The following NEMP2 variants were observed in gnomAD, a reference collection of about 807,000 sequenced individuals.
The protein encoded by NEMP2 is nuclear envelope integral membrane protein 2, also known as UPF0571 transmembrane protein.
Under a neutral mutation model 54.2 loss-of-function variants are expected in NEMP2, and 53 were observed. That is an observed-to-expected ratio of 0.98 (90% CI 0.78 to 1.23). The LOEUF is 1.23. Ranked by LOEUF, NEMP2 falls within the 50% of genes most tolerant of loss-of-function variation. The probability of loss-of-function intolerance (pLI) is 0.00; values close to 1 mark genes in which losing one functional copy is unlikely to be tolerated. For missense variants in NEMP2, 455 were observed against 511.3 expected (o/e 0.89, Z 1.06); for synonymous variants, 197 against 190.3 (o/e 1.04, Z -0.29).
chr2:190,462,079 G>A, the NEMP2 span, among the ~76,000 whole-genome samples: 2 of 152,038 alleles, frequency 1.3e-5, no homozygotes, highest in East Asian at 3.9e-4. The surrounding 1 kb of genome is among the most constrained non-coding windows in gnomAD (Gnocchi z 5.7). Context: ...CCCTATCATC[G>A]CAGATTTCCA....
At chr2:190,491,319 T>A in the NEMP2 span, among the ~76,000 whole-genome samples, 8 of 152,172 alleles carry the variant, frequency 5.3e-5, no homozygotes, top group African/African-American at 9.7e-5. The surrounding 1 kb of genome is among the most constrained non-coding windows in gnomAD (Gnocchi z 4.2). Flanking sequence ...TGTGGAGACT[T>A]GCATCATGCT....
the NEMP2 span, among the ~76,000 whole-genome samples, chr2:190,542,952 T>C: frequency 6.6e-6 from 1 of 152,370 alleles, no homozygotes; most frequent in East Asian, 1.9e-4. The surrounding 1 kb of genome is among the most constrained non-coding windows in gnomAD (Gnocchi z 4.6). Context: ...TGTGAATCTA[T>C]ATCTATGTCT....
At position 190,517,601 on chromosome 2, in the gene NEMP2, G is replaced by C; in HGVS notation, c.531C>G (p.Phe177Leu). 1 of 1,548,620 alleles carries C rather than the reference G, an allele frequency of 6.5e-7. No individual in the cohort carries two copies. The highest frequency in any genetic ancestry group is 8.7e-7 in the Non-Finnish European group (1 of 1,145,714). ...YARTLSQSPT[F>L]YYSSGTVLGV... ...CTAGCACAGTTCCCGAGGAGTAATA[G>C]AAAGTAGGGCTTCTGTCAAGATAAG... Residue 177 changes from phenylalanine to leucine, a missense_variant, in exon 5 of 9, where the codon TTC becomes TTG. This residue lies in a region of NEMP2 where 294 missense variants were observed against 333.6 expected (regional missense o/e 0.88). Transcript: ENST00000409150.
rs999607977 is a variant in NEMP2, at chr2:190,519,983, T to G, written c.214-800A>C. 2.0e-5 allele frequency among the ~76,000 whole-genome samples: 3 copies of G among 152,016 alleles called. No individual in the cohort carries two copies. The highest frequency in any genetic ancestry group is 6.6e-5 in the Admixed American group (1 of 15,266). On this transcript the variant is annotated intron_variant, in intron 2 of 8. Coordinates refer to ENST00000409150, the MANE Select transcript of NEMP2 (RefSeq NM_001142645.2). This position sits in a 1 kb window ranked among gnomAD's most constrained non-coding sequence, Gnocchi z 5.4. ...ATTTCTTAAATTAAGGTATGTAGGGTTTTTTTAAAGATATAATTCTATTGC... is the reference window on the plus strand; with the variant it reads ...ATTTCTTAAATTAAGGTATGTAGGGGTTTTTTAAAGATATAATTCTATTGC...
the NEMP2 span, among the ~76,000 whole-genome samples, chr2:190,632,411 C>G: frequency 6.6e-6 from 1 of 152,280 alleles, no homozygotes; most frequent in Non-Finnish European, 1.5e-5. This position sits in a 1 kb window ranked among gnomAD's most constrained non-coding sequence, Gnocchi z 4.8. Flanking sequence ...CAAGAAGCTT[C>G]TAACTTAGCC....
downstream of NEMP2, chr2:190,500,206 G>C: frequency 6.2e-7 from 1 of 1,614,118 alleles, no homozygotes; most frequent in Non-Finnish European, 8.5e-7. The surrounding 1 kb of genome is among the most constrained non-coding windows in gnomAD (Gnocchi z 5.3). Context: ...AGCTGGCCGC[G>C]GGAGGACACT....
the NEMP2 span, among the ~76,000 whole-genome samples, chr2:190,460,714 G>T: frequency 6.6e-6 from 1 of 152,180 alleles, no homozygotes; most frequent in Non-Finnish European, 1.5e-5. Flanking sequence ...AATGGACCAG[G>T]CATGAGATGG....
chr2:190,430,572 C>T, the NEMP2 span, among the ~76,000 whole-genome samples: 2 of 152,050 alleles, frequency 1.3e-5, no homozygotes, highest in African/African-American at 4.8e-5. Flanking sequence ...TTTCTTAGTA[C>T]AGAACAAAAT....
the NEMP2 span, among the ~76,000 whole-genome samples, chr2:190,432,276 C>G: frequency 6.6e-6 from 1 of 152,220 alleles, no homozygotes; most frequent in Non-Finnish European, 1.5e-5. Flanking sequence ...CTCTGGGAAC[C>G]TCCTGAAGAA....
the NEMP2 span, among the ~76,000 whole-genome samples, chr2:190,585,445 G>T: frequency 6.6e-6 from 1 of 152,156 alleles, no homozygotes; most frequent in Non-Finnish European, 1.5e-5. This position sits in a 1 kb window ranked among gnomAD's most constrained non-coding sequence, Gnocchi z 5.3. Flanking sequence ...CCCACTCTGG[G>T]TGCTTAATTT....
chr2:190,630,719 T>A, the NEMP2 span, among the ~76,000 whole-genome samples: 1 of 152,218 alleles, frequency 6.6e-6, no homozygotes, highest in African/African-American at 2.4e-5. This position sits in a 1 kb window ranked among gnomAD's most constrained non-coding sequence, Gnocchi z 5.5. Flanking sequence ...CTTATAAAAA[T>A]GTCTTGAACC....
At chr2:190,565,444 G>A in the NEMP2 span, among the ~76,000 whole-genome samples, 2 of 152,186 alleles carry the variant, frequency 1.3e-5, no homozygotes, top group Admixed American at 6.5e-5. Flanking sequence ...ATTTTCTTGG[G>A]TTGGGTTCCT....
rs781035277 is a variant in NEMP2, at chr2:190,534,611, C to T, written c.45G>A (p.Pro15=). The T allele has an allele frequency of 3.2e-5, 45 of 1,387,154 alleles. No individual in the cohort carries two copies. The South Asian group carries it at 5.4e-4, about 17-fold the overall frequency. 85.9% of individuals were successfully genotyped at this position (1,387,154 alleles called of 1,614,324 possible). A position where few individuals can be genotyped will look rare whatever the true frequency, so the allele number is the denominator to read the frequency against. ...QGRWWLLLWL[P]PLATLPVRGE... ...CGCGCACGGGCAGTGTGGCCAGGGG[C>T]GGCAGCCAGAGCAGCAGCCACCACC... Residue 15 remains proline (P), a synonymous_variant, in exon 1 of 9, where the codon CCG becomes CCA. Transcript: ENST00000409150.
At chr2:190,609,424 G>C in the NEMP2 span, 1 of 152,234 alleles carries the variant, frequency 6.6e-6, no homozygotes, top group South Asian at 2.1e-4. The surrounding 1 kb of genome is among the most constrained non-coding windows in gnomAD (Gnocchi z 4.7). Context: ...AAACTTGTTT[G>C]TGGAGGCCCG....
At chr2:190,469,746 ATTT>A in the NEMP2 span, 4 of 1,364,862 alleles carry the variant, frequency 2.9e-6, no homozygotes, top group African/African-American at 6.0e-5. This position sits in a 1 kb window ranked among gnomAD's most constrained non-coding sequence, Gnocchi z 5.3. Context: ...TTTATTTTTT[ATTT>A]TTTTTTAGGG....
At chr2:190,592,247 G>A in the NEMP2 span, among the ~76,000 whole-genome samples, 1 of 152,242 alleles carries the variant, frequency 6.6e-6, no homozygotes, top group Admixed American at 6.5e-5. The surrounding 1 kb of genome is among the most constrained non-coding windows in gnomAD (Gnocchi z 4.4). Flanking sequence ...CAGTTTAACC[G>A]TTGAAATGGT....
the NEMP2 span, among the ~76,000 whole-genome samples, chr2:190,474,391 C>T: frequency 6.6e-6 from 1 of 152,134 alleles, no homozygotes; most frequent in Non-Finnish European, 1.5e-5. Context: ...GATATCACCA[C>T]CGATCCCACA....
intron 4 of NEMP2, among the ~76,000 whole-genome samples, chr2:190,517,948 TA>T (rs926398102): frequency 2.0e-5 from 3 of 152,210 alleles, no homozygotes; most frequent in African/African-American, 7.2e-5. Context: ...AAATCTTCCC[TA>T]AGTCAGTATC....
At chr2:190,545,757 T>C in the NEMP2 span, among the ~76,000 whole-genome samples, 1 of 152,176 alleles carries the variant, frequency 6.6e-6, no homozygotes, top group Non-Finnish European at 1.5e-5. Context: ...TTTGTTCTGC[T>C]TCTATGTTCT....
Sources: gnomAD v4.1 joint callset for allele counts (sites outside exome capture counted in the v4.1 genomes callset) on GRCh38, gnomAD v4.1.1 for gene constraint, gnomAD v4.1.1 regional missense constraint, Gnocchi (gnomAD v3.1) non-coding constraint, MANE v1.5 for transcripts, NCBI Gene and HGNC (gene_info 2026-07-23, HGNC 2026-07-21) for gene names.